Variants in HLA-DMB observed in about 807,000 individuals in gnomAD.
HLA-DMB encodes HLA class II histocompatibility antigen, DM beta chain.
Under a neutral mutation model 29.3 loss-of-function variants are expected in HLA-DMB, and 18 were observed. The observed-to-expected ratio is 0.62, with a 90% CI of 0.43 to 0.91. The LOEUF is 0.91. HLA-DMB is among the 40% of genes least tolerant of loss of function. The pLI is 0.00. For missense variants in HLA-DMB, 258 were observed against 320.9 expected (o/e 0.80, Z 1.50); for synonymous variants, 143 against 128.7 (o/e 1.11, Z -0.75).
Position 32,937,868 on chromosome 6 carries a change from C to T in HLA-DMB, c.338-412G>A, listed in dbSNP as rs531037864. 36 of 179,722 alleles carry T rather than the reference C, an allele frequency of 2.0e-4. No individual in the cohort carries two copies. Among genetic ancestry groups the T allele is most frequent in the African/African-American group, 8.5e-4 (36 of 42,444 alleles). 11.1% of individuals were successfully genotyped at this position (179,722 alleles called of 1,614,324 possible). On this transcript the variant is annotated intron_variant, in intron 2 of 5. Transcript: ENST00000418107. This position sits in a 1 kb window ranked among gnomAD's most constrained non-coding sequence, Gnocchi z 4.1. ...ATTTTTCTCCAAATCTTGTTTAATA[C>T]GTTCTTTTGCTAGTTAAAGCTTTTT...
At position 32,941,005 on chromosome 6, in the gene HLA-DMB, C is replaced by A; in HGVS notation, c.-198G>T. On this transcript the variant is annotated 5_prime_UTR_variant, in exon 1 of 6. Transcript: ENST00000418107. This position sits in a 1 kb window ranked among gnomAD's most constrained non-coding sequence, Gnocchi z 5.2. ...CCAGCCCCTAGATATTAAATCTGTT[C>A]CTTCCAGCTCACGGGAGTCCAGTGT... 1 of 527,076 alleles carries A rather than the reference C, an allele frequency of 1.9e-6. No individual in the cohort carries two copies. The highest frequency in any genetic ancestry group is 3.4e-6 in the Non-Finnish European group (1 of 290,794). 32.6% of individuals were successfully genotyped at this position (527,076 alleles called of 1,614,324 possible).
At position 32,934,706 on chromosome 6, in the gene HLA-DMB, G is replaced by C. The variant is rs757882459; in HGVS notation, c.*265C>G. 35 of 544,282 alleles carry C rather than the reference G, an allele frequency of 6.4e-5. No homozygotes were observed. Among genetic ancestry groups the C allele is most frequent in the Non-Finnish European group, 1.1e-4 (33 of 306,632 alleles). 33.7% of individuals were successfully genotyped at this position (544,282 alleles called of 1,614,324 possible). A position where few individuals can be genotyped will look rare whatever the true frequency, so the allele number is the denominator to read the frequency against. On this transcript the variant is annotated 3_prime_UTR_variant, in exon 6 of 6. Transcript: ENST00000418107. ...CTCTATGGCACACTGAGAGCCCCAG[G>C]AGGGTCTTTAACTCCCTTCCTCAGA...
chr6:32,938,532 G>T, intron 2 of HLA-DMB, 152 bp downstream of exon 2: 1 of 760,588 alleles, frequency 1.3e-6, no homozygotes, highest in Non-Finnish European at 1.9e-6. Context: ...TTCCCCTTGA[G>T]GTTCAATCCT....
At position 32,934,778 on chromosome 6, in the gene HLA-DMB, G is replaced by T; in HGVS notation, c.*193C>A. ...AGCCTTGGACAATAATTTGGTTACA[G>T]CATAGTCCCAGGAATGAGGTCCCCC... On this transcript the variant is annotated 3_prime_UTR_variant, in exon 6 of 6. Transcript: ENST00000418107. The T allele has an allele frequency of 1.6e-6, 1 of 625,016 alleles. No homozygotes were observed. The highest frequency in any genetic ancestry group is 2.8e-6 in the Non-Finnish European group (1 of 353,334). 38.7% of individuals were successfully genotyped at this position (625,016 alleles called of 1,614,324 possible).
chr6:32,940,078 A>C (rs1776264061), intron 1 of HLA-DMB, among the ~76,000 whole-genome samples: 1 of 152,000 alleles, frequency 6.6e-6, no homozygotes, highest in African/African-American at 2.4e-5. Context: ...AGTTGGTCAA[A>C]GAAGTGTTGA....
intron 1 of HLA-DMB, among the ~76,000 whole-genome samples, 177 bp downstream of exon 1, chr6:32,940,576 T>G (rs1325433655): frequency 6.6e-6 from 1 of 152,186 alleles, no homozygotes; most frequent in African/African-American, 2.4e-5. Flanking sequence ...GAATATACAC[T>G]GCACAGATAA....
At chr6:32,939,680 T>G (rs868185999) in intron 1 of HLA-DMB, among the ~76,000 whole-genome samples, 1 of 152,240 alleles carries the variant, frequency 6.6e-6, no homozygotes, top group Non-Finnish European at 1.5e-5. Flanking sequence ...ATCTGATCAC[T>G]GTACATTACA....
In HLA-DMB at chr6:32,937,640, T is replaced by C. The variant is rs1297686545; in HGVS notation, c.338-184A>G. ...TGTATTCCTGCATTACTCTTTCTTCTCTCCCATTCCTTCATTGCCCCTTTC... is the reference window on the plus strand; with the variant it reads ...TGTATTCCTGCATTACTCTTTCTTCCCTCCCATTCCTTCATTGCCCCTTTC... On this transcript the variant is annotated intron_variant, in intron 2 of 5. Transcript: ENST00000418107. This position sits in a 1 kb window ranked among gnomAD's most constrained non-coding sequence, Gnocchi z 4.1. The C allele has an allele frequency of 6.8e-6, 4 of 585,008 alleles. No homozygotes were observed. The highest frequency in any genetic ancestry group is 1.2e-5 in the Non-Finnish European group (4 of 331,776). 36.2% of individuals were successfully genotyped at this position (585,008 alleles called of 1,614,324 possible).
At chr6:32,939,208 C>T (rs1233243376) in intron 1 of HLA-DMB, among the ~76,000 whole-genome samples, 2 of 151,972 alleles carry the variant, frequency 1.3e-5, no homozygotes, top group Non-Finnish European at 1.5e-5. Context: ...TTGGTGGGCT[C>T]CTGCAGGAGG....
In HLA-DMB at chr6:32,938,861, A is replaced by C. The variant is rs1379759388; in HGVS notation, c.160T>G (p.Trp54Gly). 10 of 1,612,382 alleles carry C rather than the reference A, an allele frequency of 6.2e-6. No homozygotes were observed. The highest frequency in any genetic ancestry group is 5.9e-6 in the Non-Finnish European group (7 of 1,179,804). Residue 54 changes from tryptophan (W) to glycine (G), a missense_variant, in exon 2 of 6, where the codon TGG (tryptophan) becomes GGG (glycine). By Grantham distance (184) the Trp-to-Gly change is radical. Transcript: ENST00000418107. ...GCCATCTTATTCTCCTCTGGATCCC[A>C]GCAGGTCAGCAGATCCTTGTTGAAG... is the stretch of plus-strand genomic sequence containing the variant. The part of the protein sequence containing the change: ...ISFNKDLLTC[W>G]DPEENKMAPC...
Position 32,937,650 on chromosome 6 carries a change from C to CT in HLA-DMB, c.338-195dup. ...CATTACTCTTTCTTCTCTCCCATTCCTTCATTGCCCCTTTCTTTCTTTCCT... is the reference window on the plus strand; with the variant it reads ...CATTACTCTTTCTTCTCTCCCATTCCTTTCATTGCCCCTTTCTTTCTTTCCT... On this transcript the variant is annotated intron_variant, in intron 2 of 5. Transcript: ENST00000418107. The surrounding 1 kb of genome is among the most constrained non-coding windows in gnomAD (Gnocchi z 4.1). 1 of 575,600 alleles carries CT rather than the reference C, an allele frequency of 1.7e-6. No individual in the cohort carries two copies. The highest frequency in any genetic ancestry group is 3.1e-6 in the Non-Finnish European group (1 of 326,124). 35.7% of individuals were successfully genotyped at this position (575,600 alleles called of 1,614,324 possible).
intron 3 of HLA-DMB, chr6:32,936,003 C>T (rs1004647036): frequency 4.0e-5 from 11 of 275,414 alleles, no homozygotes; most frequent in Non-Finnish European, 6.9e-5. Flanking sequence ...ATTGCCCCCA[C>T]GGTAACAATG....
rs1267731004 is a variant in HLA-DMB, at chr6:32,938,795, G to C, written c.226C>G (p.Leu76Val). 1 of 1,610,864 alleles carries C rather than the reference G, an allele frequency of 6.2e-7. No homozygotes were observed. ...TCTTTTTGGTTGAGGTGCTGTGAGAGGACATTCGCCAAGCTATTCAGCACC... is the reference window on the plus strand; with the variant it reads ...TCTTTTTGGTTGAGGTGCTGTGAGACGACATTCGCCAAGCTATTCAGCACC... The part of the protein sequence containing the change: ...FGVLNSLANV[L>V]SQHLNQKDTL... Residue 76 changes from leucine (L) to valine (V), a missense_variant, in exon 2 of 6, where the codon CTC becomes GTC. Transcript: ENST00000418107.
chr6:32,937,313 T>G lies in HLA-DMB; in HGVS notation c.481A>C (p.Ser161Arg). The G allele has an allele frequency of 6.2e-7, 1 of 1,614,210 alleles. No individual in the cohort carries two copies. The change falls in exon 3 of 6, where the codon AGT (serine) becomes CGT (arginine). Residue 161 changes from serine (S) to arginine (R), a missense_variant. Physicochemically the swap from Ser to Arg is moderately radical, Grantham distance 110. Coordinates refer to ENST00000418107, the MANE Select transcript of HLA-DMB (RefSeq NM_002118.5). The surrounding 1 kb of genome is among the most constrained non-coding windows in gnomAD (Gnocchi z 4.1). ...TTGGGCTGGGCAGTCTTGTGCGCAC[T>G]GCTGTGAGGCATGACAAGCTTCCCG... ...KNGKLVMPHS[S>R]AHKTAQPNGD... is the part of the protein sequence containing the mutation.
Position 32,940,769 on chromosome 6 carries a change from C to T in HLA-DMB, c.39G>A (p.Leu13=), listed in dbSNP as rs1165854529. 2.5e-6 allele frequency: 4 copies of T among 1,606,080 alleles called. No homozygotes were observed. The highest frequency in any genetic ancestry group is 3.4e-6 in the Non-Finnish European group (4 of 1,176,908). The change falls in exon 1 of 6, where the codon CTG becomes CTA. Residue 13 remains leucine, a synonymous_variant. Transcript: ENST00000418107. The stretch of plus-strand genomic sequence containing the variant: ...TGTCCTTACCTGCTCCTGTGCAGCC[C>T]AGGCTGAGCCCCAGCAGCAGCGGCA... ...TFLPLLLGLS[L]GCTGAGGFVA...
At position 32,938,980 on chromosome 6, in the gene HLA-DMB, G is replaced by A; in HGVS notation, c.56-15C>T. The stretch of plus-strand genomic sequence containing the variant: ...CACGAAGCCACCTAGAGGAGCCAGG[G>A]AAGGGAGAACAGGTCAATGTCTTCT... On this transcript the variant is annotated splice_polypyrimidine_tract_variant and intron_variant, in intron 1 of 5. Transcript: ENST00000418107. 1 of 1,482,326 alleles carries A rather than the reference G, an allele frequency of 6.7e-7. No individual in the cohort carries two copies. The highest frequency in any genetic ancestry group is 9.0e-7 in the Non-Finnish European group (1 of 1,110,806). The allele number at this position is 1,482,326 out of a possible 1,614,324, so 91.8% of individuals were successfully genotyped here.
intron 3 of HLA-DMB, chr6:32,936,889 A>G: frequency 3.1e-6 from 1 of 317,936 alleles, no homozygotes; most frequent in South Asian, 1.4e-4. Context: ...CATCAGCCAC[A>G]CCACCAGAGC....
Position 32,937,103 on chromosome 6 carries a change from AC to A in HLA-DMB, c.622+68del, listed in dbSNP as rs773814624. The stretch of plus-strand genomic sequence containing the variant: ...TTCAGCACTTCGCTGTCTACCATGT[AC>A]CATGTATCGATCCACATCTCATTTT... On this transcript the variant is annotated intron_variant, in intron 3 of 5. Coordinates refer to ENST00000418107, the MANE Select transcript of HLA-DMB (RefSeq NM_002118.5). The surrounding 1 kb of genome is among the most constrained non-coding windows in gnomAD (Gnocchi z 4.1). 1 of 1,388,008 alleles carries A rather than the reference AC, an allele frequency of 7.2e-7. No individual in the cohort carries two copies. The highest frequency in any genetic ancestry group is 2.1e-5 in the Admixed American group (1 of 47,650). The allele number at this position is 1,388,008 out of a possible 1,614,324, so 86.0% of individuals were successfully genotyped here. A position where few individuals can be genotyped will look rare whatever the true frequency, so the allele number is the denominator to read the frequency against.
intron 4 of HLA-DMB, 56 bp from the exon 5 acceptor site, chr6:32,935,433 G>A: frequency 2.0e-6 from 3 of 1,523,736 alleles, no homozygotes; most frequent in South Asian, 1.1e-5. Flanking sequence ...ATATCTAGCA[G>A]TATTCATAGC....
Sources: gnomAD v4.1 joint callset for allele counts (sites outside exome capture counted in the v4.1 genomes callset) on GRCh38, gnomAD v4.1.1 for gene constraint, Gnocchi (gnomAD v3.1) non-coding constraint, MANE v1.5 for transcripts, NCBI Gene and HGNC (gene_info 2026-07-23, HGNC 2026-07-21) for gene names.